The following PDE4D variants were observed in gnomAD, a reference collection of about 807,000 sequenced individuals.
PDE4D encodes 3',5'-cyclic-AMP phosphodiesterase 4D.
Under a neutral mutation model 87.4 loss-of-function variants are expected in PDE4D, and 24 were observed. The ratio of observed to expected loss-of-function variants is 0.27; its 90% CI spans 0.20 to 0.39. The LOEUF is 0.39. PDE4D is among the 10% of genes least tolerant of loss of function. The pLI, the probability that PDE4D is intolerant of heterozygous loss-of-function variation, is 1.00. For missense variants in PDE4D, 714 were observed against 1,041.0 expected (o/e 0.69, Z 4.32); for synonymous variants, 384 against 383.2 (o/e 1.00, Z -0.02).
chr5:59,891,787 T>TCACA (rs55796463), intron 1 of PDE4D, among the ~76,000 whole-genome samples: 30,837 of 150,286 alleles, frequency 0.21, 4,864 homozygotes, highest in African/African-American at 0.45. Context: ...AGAGACATGC[T>TCACA]CACACACACA....
At chr5:59,915,989 T>C (rs532743863) in intron 3 of PDE4D, among the ~76,000 whole-genome samples, 7 of 152,346 alleles carry the variant, frequency 4.6e-5, no homozygotes, top group Non-Finnish European at 1.5e-5. Flanking sequence ...ACATCTGTTA[T>C]TGTCTTTAAT....
At chr5:59,426,998 T>TACACACAC (rs3061709) in intron 1 of PDE4D, among the ~76,000 whole-genome samples, 2 of 125,144 alleles carry the variant, frequency 1.6e-5, no homozygotes, top group African/African-American at 6.0e-5. Flanking sequence ...CTTGAAGCTA[T>TACACACAC]ACACACACAC....
At chr5:60,302,886 A>G (rs187888183) in intron 1 of PDE4D, among the ~76,000 whole-genome samples, 1 of 152,296 alleles carries the variant, frequency 6.6e-6, no homozygotes, top group African/African-American at 2.4e-5. Flanking sequence ...GCTGGAGTGC[A>G]GTGGCACAAT....
intron 1 of PDE4D, among the ~76,000 whole-genome samples, chr5:59,324,290 T>C (rs1041858267): frequency 1.3e-5 from 2 of 152,130 alleles, no homozygotes; most frequent in African/African-American, 4.8e-5. Flanking sequence ...ATGGGTAGCC[T>C]ACCCAAGAGC....
chr5:59,324,856 T>C (rs1775365572), intron 1 of PDE4D, among the ~76,000 whole-genome samples: 1 of 152,144 alleles, frequency 6.6e-6, no homozygotes, highest in Non-Finnish European at 1.5e-5. Context: ...ACTGTACTGA[T>C]TATTAATGAG....
chr5:59,557,769 A>G (rs1193979429), intron 1 of PDE4D, among the ~76,000 whole-genome samples: 1 of 152,186 alleles, frequency 6.6e-6, no homozygotes, highest in African/African-American at 2.4e-5. Flanking sequence ...AAACCACACA[A>G]TGCTAAACAT....
At chr5:59,132,632 C>A (rs527271029) in intron 5 of PDE4D, among the ~76,000 whole-genome samples, 34 of 152,246 alleles carry the variant, frequency 2.2e-4, no homozygotes, top group Middle Eastern at 3.4e-3. Flanking sequence ...CTAGTTTAAT[C>A]TTCCCTTTAA....
chr5:60,051,012 A>C (rs1219053695), intron 2 of PDE4D, among the ~76,000 whole-genome samples: 1 of 152,208 alleles, frequency 6.6e-6, no homozygotes, highest in Non-Finnish European at 1.5e-5. Context: ...ATTTGTACCC[A>C]ATACAGGAGT....
intron 1 of PDE4D, among the ~76,000 whole-genome samples, chr5:59,590,181 G>A (rs1241505418): frequency 1.3e-5 from 2 of 152,116 alleles, no homozygotes; most frequent in Non-Finnish European, 2.9e-5. Context: ...GGTCTTAAGA[G>A]TTATGTCTAC....
intron 5 of PDE4D, among the ~76,000 whole-genome samples, chr5:59,102,897 A>T (rs1205819215): frequency 6.6e-6 from 1 of 152,188 alleles, no homozygotes; most frequent in Admixed American, 6.5e-5. Flanking sequence ...GGGGAGCATA[A>T]CACTTAACAG....
At chr5:59,459,942 C>A (rs28508065) in intron 1 of PDE4D, among the ~76,000 whole-genome samples, 5,711 of 152,132 alleles carry the variant, frequency 0.038, 323 homozygotes, top group East Asian at 0.14. Flanking sequence ...GACATAAAAC[C>A]AAGAACAATA....
intron 1 of PDE4D, among the ~76,000 whole-genome samples, chr5:60,202,335 T>G (rs1475056947): frequency 1.3e-5 from 2 of 152,000 alleles, no homozygotes; most frequent in Non-Finnish European, 2.9e-5. Flanking sequence ...GCTAATTTTT[T>G]TAAAAAAATT....
At chr5:59,201,582 C>T (rs1318100594) in intron 2 of PDE4D, among the ~76,000 whole-genome samples, 2 of 152,066 alleles carry the variant, frequency 1.3e-5, no homozygotes, top group Non-Finnish European at 2.9e-5. Context: ...TACATAAAAA[C>T]TGTTTCCTTG....
At chr5:60,216,294 T>C (rs1191111687) in intron 1 of PDE4D, among the ~76,000 whole-genome samples, 1 of 152,088 alleles carries the variant, frequency 6.6e-6, no homozygotes, top group East Asian at 1.9e-4. Flanking sequence ...AGCCAGAGAC[T>C]TTCAACAACC....
intron 1 of PDE4D, among the ~76,000 whole-genome samples, chr5:59,410,809 G>T (rs919502968): frequency 6.6e-6 from 1 of 150,392 alleles, no homozygotes; most frequent in Non-Finnish European, 1.5e-5. Flanking sequence ...AATAAACATG[G>T]GAGTGCAGAT....
At chr5:60,293,372 A>G (rs529791795) in intron 1 of PDE4D, among the ~76,000 whole-genome samples, 1 of 152,040 alleles carries the variant, frequency 6.6e-6, no homozygotes, top group Admixed American at 6.5e-5. Context: ...AAATTCGCCT[A>G]GCATGGTGGC....
chr5:59,130,188 T>C (rs1434097139), intron 5 of PDE4D, among the ~76,000 whole-genome samples: 1 of 152,204 alleles, frequency 6.6e-6, no homozygotes, highest in African/African-American at 2.4e-5. Context: ...CATGTTTCAC[T>C]GAGTATCTGA....
chr5:60,319,870 G>A (rs569323836), intron 1 of PDE4D, among the ~76,000 whole-genome samples: 9 of 152,290 alleles, frequency 5.9e-5, no homozygotes, highest in East Asian at 5.8e-4. Flanking sequence ...GTACCCAGCC[G>A]TGTGAGGTGT....
intron 1 of PDE4D, among the ~76,000 whole-genome samples, chr5:59,395,143 G>A (rs10214073): frequency 2.0e-5 from 3 of 151,366 alleles, no homozygotes; most frequent in African/African-American, 7.3e-5. Context: ...AGGCAGCGGC[G>A]AGGCTGGGGG....
Sources: allele counts gnomAD v4.1 joint callset (sites outside exome capture counted in the v4.1 genomes callset), GRCh38; gene constraint gnomAD v4.1.1; transcripts MANE v1.5; gene names NCBI Gene and HGNC (gene_info 2026-07-23, HGNC 2026-07-21).